The following ABI3BP variants were observed in gnomAD, a reference collection of about 807,000 sequenced individuals.
ABI3BP encodes ABI family member 3 binding protein.
ABI3BP carries 216 observed loss-of-function variants against 268.6 expected under a neutral mutation model. The ratio of observed to expected loss-of-function variants is 0.80; its 90% CI spans 0.72 to 0.90. The LOEUF is 0.90. Ranked by LOEUF, ABI3BP falls within the 40% of genes least tolerant of loss-of-function variation. ABI3BP has a pLI of 0.00. For missense variants in ABI3BP, 2,090 were observed against 2,182.4 expected (o/e 0.96, Z 0.84); for synonymous variants, 730 against 730.0 (o/e 1.00, Z 0.00).
chr3:100,871,788 G>A (rs2099112314), intron 9 of ABI3BP, among the ~76,000 whole-genome samples: 1 of 152,158 alleles, frequency 6.6e-6, no homozygotes, highest in Non-Finnish European at 1.5e-5. Flanking sequence ...GACTAATACA[G>A]TGTGTAAGAA....
intron 59 of ABI3BP, among the ~76,000 whole-genome samples, 179 bp from the exon 60 acceptor site, chr3:100,775,514 T>C (rs2096673408): frequency 1.3e-5 from 2 of 152,102 alleles, no homozygotes; most frequent in Admixed American, 1.3e-4. Flanking sequence ...GCCAAGTATA[T>C]CAGAGCATTA....
In ABI3BP at chr3:100,848,941, T is replaced by C. The variant is rs563882536; in HGVS notation, c.1502-66A>G. 5 of 1,414,672 alleles carry C rather than the reference T, an allele frequency of 3.5e-6. No homozygotes were observed. In the Admixed American group the frequency reaches 7.3e-5, roughly 21 times the overall value. 87.6% of individuals were successfully genotyped at this position (1,414,672 alleles called of 1,614,324 possible). ...TCAGGGGTCAATCAGGTTGTGCCTG[T>C]AAATTTGCAAACTCCAAGTACAAGA... On this transcript the variant is annotated intron_variant, in intron 17 of 67. Transcript: ENST00000471714.
At chr3:100,875,660 T>A in intron 7 of ABI3BP, 81 bp from the exon 8 acceptor site, 1 of 974,542 alleles carries the variant, frequency 1.0e-6, no homozygotes, top group Non-Finnish European at 1.6e-6. Context: ...CCATCTGCAC[T>A]GGAAAAGCCT....
intron 2 of ABI3BP, among the ~76,000 whole-genome samples, chr3:100,918,154 ATAAC>A (rs1445430217): frequency 6.6e-6 from 1 of 152,196 alleles, no homozygotes; most frequent in Non-Finnish European, 1.5e-5. Context: ...TTCCAAAGAA[ATAAC>A]TAAGAATTAG....
At chr3:100,856,564 C>G (rs28685614) in intron 14 of ABI3BP, among the ~76,000 whole-genome samples, 42,695 of 152,052 alleles carry the variant, frequency 0.28, 6,351 homozygotes, top group African/African-American at 0.35. Flanking sequence ...TTTGGTTTTT[C>G]TGGACACTTG....
At chr3:100,959,981 C>T (rs907286057) in intron 1 of ABI3BP, among the ~76,000 whole-genome samples, 3 of 151,858 alleles carry the variant, frequency 2.0e-5, no homozygotes, top group Non-Finnish European at 4.4e-5. Flanking sequence ...TTGCAAAGAA[C>T]CAAAAGAAAA....
chr3:100,770,056 C>G (rs542997426), intron 62 of ABI3BP, among the ~76,000 whole-genome samples: 4 of 152,316 alleles, frequency 2.6e-5, no homozygotes, highest in African/African-American at 9.6e-5. Context: ...CCTGCCTGCA[C>G]CAGGTACATG....
chr3:100,855,879 A>G (rs1334608095), intron 14 of ABI3BP, among the ~76,000 whole-genome samples: 1 of 152,252 alleles, frequency 6.6e-6, no homozygotes, highest in Non-Finnish European at 1.5e-5. Flanking sequence ...TGCTTTCTTC[A>G]GTGAGTGGAA....
At chr3:100,981,255 T>A (rs74612032) in intron 1 of ABI3BP, among the ~76,000 whole-genome samples, 21 of 139,624 alleles carry the variant, frequency 1.5e-4, no homozygotes, top group African/African-American at 5.1e-4. Flanking sequence ...AAAAAAAAAA[T>A]AAAGTGTGCA....
chr3:100,789,563 C>G (rs761366191), intron 55 of ABI3BP, 47 bp from the exon 56 acceptor site: 1 of 1,538,150 alleles, frequency 6.5e-7, no homozygotes, highest in African/African-American at 1.4e-5. Context: ...AGACCAAAGC[C>G]TCCTGAATGG....
At chr3:100,912,036 C>T (rs555409381) in intron 2 of ABI3BP, 40 of 749,666 alleles carry the variant, frequency 5.3e-5, no homozygotes, top group Non-Finnish European at 8.6e-5. Context: ...CAACATCATC[C>T]ATTTGGGAAT....
At chr3:100,980,884 C>G (rs1323033130) in intron 1 of ABI3BP, among the ~76,000 whole-genome samples, 1 of 152,220 alleles carries the variant, frequency 6.6e-6, no homozygotes, top group African/African-American at 2.4e-5. Flanking sequence ...TGGAAAACAG[C>G]AGAATTCTCT....
At chr3:100,832,951 C>T (rs1322435029) in intron 30 of ABI3BP, among the ~76,000 whole-genome samples, 174 bp downstream of exon 30, 1 of 152,124 alleles carries the variant, frequency 6.6e-6, no homozygotes, top group East Asian at 1.9e-4. Context: ...GAGCAGATAG[C>T]TGTCTTGAAT....
In ABI3BP at chr3:100,978,983, T is replaced by A. The variant is rs75716425; in HGVS notation, c.79+14323A>T. Among the ~76,000 whole-genome samples the A allele has an allele frequency of 2.7e-3, 417 of 152,306 alleles. 11 individuals are homozygous for A. In the East Asian group the frequency reaches 0.074, roughly 27 times the overall value. ...GATTCTGCATACTTAGCAGATTCAC[T>A]AAGTCAGTGGTTTCCAAAATGTGAT... is the stretch of plus-strand genomic sequence containing the variant. On this transcript the variant is annotated intron_variant, in intron 1 of 67. Coordinates refer to ENST00000471714, the MANE Select transcript of ABI3BP (RefSeq NM_001375547.2).
In ABI3BP at chr3:100,869,330, G is replaced by GTTTTTTTTTTTTTTTTTTTTTTTTTT. The variant is rs144604645; in HGVS notation, c.911-2400_911-2375dup. Among the ~76,000 whole-genome samples the GTTTTTTTTTTTTTTTTTTTTTTTTTT allele has an allele frequency of 1.4e-3, 72 of 49,762 alleles. 17 individuals carry two copies. Among genetic ancestry groups the GTTTTTTTTTTTTTTTTTTTTTTTTTT allele is most frequent in the South Asian group, 3.7e-3 (3 of 812 alleles). 32.6% of individuals were successfully genotyped at this position (49,762 alleles called of 152,430 possible). On this transcript the variant is annotated intron_variant, in intron 9 of 67. Coordinates refer to ENST00000471714, the MANE Select transcript of ABI3BP (RefSeq NM_001375547.2). ...ATATTGTTTTTTCTTCTTCTTTTTGGTTTTTTTTTTTTTTTTTTTTTTTTT... is the reference window on the plus strand; with the variant it reads ...ATATTGTTTTTTCTTCTTCTTTTTGGTTTTTTTTTTTTTTTTTTTTTTTTTTTTTTTTTTTTTTTTTTTTTTTTTTT...
At chr3:100,980,385 C>T (rs1289554192) in intron 1 of ABI3BP, among the ~76,000 whole-genome samples, 8 of 152,108 alleles carry the variant, frequency 5.3e-5, no homozygotes, top group Non-Finnish European at 1.2e-4. Flanking sequence ...CAAGATGAAC[C>T]AGCACAACAA....
intron 20 of ABI3BP, among the ~76,000 whole-genome samples, chr3:100,842,302 G>A (rs2098715518): frequency 6.6e-6 from 1 of 152,152 alleles, no homozygotes; most frequent in African/African-American, 2.4e-5. Flanking sequence ...TACTAACTTA[G>A]AGGGAGTTCT....
Position 100,886,327 on chromosome 3 carries a change from T to C in ABI3BP, c.462-4A>G. On this transcript the variant is annotated splice_region_variant and splice_polypyrimidine_tract_variant and intron_variant, in intron 4 of 67. Coordinates refer to ENST00000471714, the MANE Select transcript of ABI3BP (RefSeq NM_001375547.2). Reference sequence around the variant, plus strand: ...TCGATAGCGAATTGTATAAAATCTGTTGAATAACCAGAATATAATGCTTTA... The same window carrying C: ...TCGATAGCGAATTGTATAAAATCTGCTGAATAACCAGAATATAATGCTTTA... The C allele has an allele frequency of 1.3e-6, 2 of 1,569,814 alleles. No individual in the cohort carries two copies. Among genetic ancestry groups the C allele is most frequent in the Non-Finnish European group, 1.7e-6 (2 of 1,156,716 alleles).
intron 6 of ABI3BP, 44 bp from the exon 7 acceptor site, chr3:100,876,604 A>T: frequency 6.4e-7 from 1 of 1,567,660 alleles, no homozygotes; most frequent in South Asian, 1.1e-5. Flanking sequence ...CATTGTGAAT[A>T]ACTTTCTGTT....
Sources: allele counts gnomAD v4.1 joint callset (sites outside exome capture counted in the v4.1 genomes callset), GRCh38; gene constraint gnomAD v4.1.1; transcripts MANE v1.5; gene names NCBI Gene and HGNC (gene_info 2026-07-23, HGNC 2026-07-21).